NHP2: variants seen among roughly 807,000 people sequenced by gnomAD.
NHP2 encodes the protein H/ACA ribonucleoprotein complex subunit 2.
Under a neutral mutation model 16.7 loss-of-function variants are expected in NHP2, and 10 were observed. That is an observed-to-expected ratio of 0.60 (90% CI 0.37 to 1.01). The LOEUF is 1.01. Ranked by LOEUF, NHP2 falls within the 50% of genes least tolerant of loss-of-function variation. NHP2 has a pLI of 0.01. For synonymous variants in NHP2, 87 were observed against 78.9 expected (o/e 1.10, Z -0.54); for missense variants, 184 against 198.3 (o/e 0.93, Z 0.43).
chr5:178,151,794 A>G (rs926847156), intron 2 of NHP2, among the ~76,000 whole-genome samples: 2 of 152,032 alleles, frequency 1.3e-5, no homozygotes, highest in East Asian at 3.9e-4. Context: ...CAGATGTACT[A>G]TCTCCAGCCT....
At position 178,149,481 on chromosome 5, in the gene NHP2, C is replaced by T. The variant is rs1756202476; in HGVS notation, c.*232G>A. On this transcript the variant is annotated 3_prime_UTR_variant, in exon 4 of 4. Transcript: ENST00000274606. ...CACCACATTTTAGTCTTAGCATTTA[C>T]TTTCCCCACCCCACATTCTTGGAAC... 5.7e-6 allele frequency: 3 copies of T among 523,720 alleles called. No homozygotes were observed. The highest frequency in any genetic ancestry group is 3.7e-5 in the East Asian group (1 of 27,296). The allele number at this position is 523,720 out of a possible 1,614,324, so 32.4% of individuals were successfully genotyped here.
chr5:178,150,658 C>T, intron 3 of NHP2: 2 of 679,096 alleles, frequency 2.9e-6, no homozygotes, highest in South Asian at 1.5e-5. Context: ...ACTAGGATTA[C>T]AGGTGTGAGC....
chr5:178,150,379 C>G, intron 3 of NHP2: 1 of 259,790 alleles, frequency 3.8e-6, no homozygotes, highest in Non-Finnish European at 7.4e-6. Context: ...CCACCCCCAG[C>G]CTCTATTTTT....
intron 3 of NHP2, chr5:178,150,110 C>T: frequency 2.8e-6 from 1 of 357,632 alleles, no homozygotes. Context: ...GCCACCCCCA[C>T]TTCCTGTGCC....
Position 178,153,843 on chromosome 5 carries a change from C to CA in NHP2, c.-27dup, listed in dbSNP as rs745536946. 1 of 1,595,316 alleles carries CA rather than the reference C, an allele frequency of 6.3e-7. No individual in the cohort carries two copies. Among genetic ancestry groups the CA allele is most frequent in the South Asian group, 1.1e-5 (1 of 89,002 alleles). ...CGCAGCGGCCGCTGAAACCTAGTCC[C>CA]AGGGAGGCGAGCCCACGCGGTCCAC... On this transcript the variant is annotated 5_prime_UTR_variant, in exon 1 of 4. An upstream open reading frame in the 5' UTR loses its in-frame stop. Coordinates refer to ENST00000274606, the MANE Select transcript of NHP2 (RefSeq NM_017838.4).
intron 2 of NHP2, among the ~76,000 whole-genome samples, chr5:178,151,585 G>C (rs1010086226): frequency 3.3e-5 from 5 of 152,212 alleles, no homozygotes; most frequent in African/African-American, 1.2e-4. Flanking sequence ...CACAAGGACA[G>C]AGCCCTCGGC....
rs768262654 is a variant in NHP2 at position 178,150,889 on chromosome 5, G to A, written c.335C>T (p.Thr112Met). 29 of 1,608,050 alleles carry A rather than the reference G, an allele frequency of 1.8e-5. No homozygotes were observed. Among genetic ancestry groups the A allele is most frequent in the African/African-American group, 8.0e-5 (6 of 74,782 alleles). The change falls in exon 3 of 4, where the codon ACG (threonine) becomes ATG (methionine). Residue 112 changes from threonine to methionine, a missense_variant and splice_region_variant. By Grantham distance (81) the Thr-to-Met change is moderately conservative. Coordinates refer to ENST00000274606, the MANE Select transcript of NHP2 (RefSeq NM_017838.4). The part of the protein sequence containing the change: ...NLPYVYIPSK[T>M]DLGAAAGSKR... ...GTCAGGGGGCCACGTGCTCCTTACCGTCTTAGAGGGGATATAGACATAGGG... is the reference window on the plus strand; with the variant it reads ...GTCAGGGGGCCACGTGCTCCTTACCATCTTAGAGGGGATATAGACATAGGG...
chr5:178,151,747 C>T (rs1219707951), intron 2 of NHP2, among the ~76,000 whole-genome samples: 2 of 152,122 alleles, frequency 1.3e-5, no homozygotes, highest in Admixed American at 1.3e-4. Flanking sequence ...GGAGCCACTG[C>T]CATGGGGTCA....
intron 3 of NHP2, chr5:178,150,589 C>A (rs111512029): frequency 7.8e-6 from 4 of 511,478 alleles, no homozygotes; most frequent in South Asian, 1.7e-5. Flanking sequence ...CACTTTGTTG[C>A]GCAGGTTATT....
rs540714328 is a variant in NHP2 at position 178,150,818 on chromosome 5, T to A, written c.336+70A>T. On this transcript the variant is annotated intron_variant, in intron 3 of 3. Coordinates refer to ENST00000274606, the MANE Select transcript of NHP2 (RefSeq NM_017838.4). Reference sequence around the variant, plus strand: ...CAACACTCCTGGCTCTTTCCCACACTCTCCTGCTATGGCAGACTATCCCAG... The same window carrying A: ...CAACACTCCTGGCTCTTTCCCACACACTCCTGCTATGGCAGACTATCCCAG... 6.0e-5 allele frequency: 60 copies of A among 1,002,562 alleles called. No individual in the cohort carries two copies. The South Asian group carries it at 7.1e-4, about 12-fold the overall frequency. The allele number at this position is 1,002,562 out of a possible 1,614,324, so 62.1% of individuals were successfully genotyped here. A position where few individuals can be genotyped will look rare whatever the true frequency, so the allele number is the denominator to read the frequency against.
chr5:178,153,034 G>A (rs1040023486), intron 2 of NHP2, among the ~76,000 whole-genome samples: 1 of 152,244 alleles, frequency 6.6e-6, no homozygotes, highest in African/African-American at 2.4e-5. Flanking sequence ...GCTGCAGCGA[G>A]CTGTGATCGC....
At chr5:178,153,437 G>A in intron 2 of NHP2, 54 bp downstream of exon 2, 2 of 1,578,102 alleles carry the variant, frequency 1.3e-6, no homozygotes, top group African/African-American at 1.3e-5. Flanking sequence ...ACTAAGTAGA[G>A]ATTTCTCCGT....
rs766032992 is a variant in NHP2, at chr5:178,153,562, T to A, written c.161-2A>T. On this transcript the variant is annotated splice_acceptor_variant, in intron 1 of 3. Transcript: ENST00000274606. LOFTEE classifies it high-confidence loss of function. Reference sequence around the variant, plus strand: ...GCCGAATCTGCTTCTGCTTCACCGCTGCAACGACAGAAGAGTCGGTCGGGG... The same window carrying A: ...GCCGAATCTGCTTCTGCTTCACCGCAGCAACGACAGAAGAGTCGGTCGGGG... 9 of 1,614,214 alleles carry A rather than the reference T, an allele frequency of 5.6e-6. No individual in the cohort carries two copies. The highest frequency in any genetic ancestry group is 6.8e-6 in the Non-Finnish European group (8 of 1,180,024).
intron 3 of NHP2, chr5:178,150,470 T>C: frequency 5.6e-6 from 2 of 356,258 alleles, no homozygotes; most frequent in Non-Finnish European, 1.1e-5. Flanking sequence ...AGCCTTGAAC[T>C]CCTGGGTTCA....
intron 2 of NHP2, among the ~76,000 whole-genome samples, chr5:178,151,362 C>T (rs1231244591): frequency 1.3e-5 from 2 of 152,114 alleles, no homozygotes; most frequent in East Asian, 1.9e-4. Context: ...CAGACACAGC[C>T]GAGAGACTGG....
At chr5:178,151,123 C>A in intron 2 of NHP2, 130 bp from the exon 3 acceptor site, 1 of 792,544 alleles carries the variant, frequency 1.3e-6, no homozygotes, top group Admixed American at 1.9e-5. Context: ...TGGGGGTGAT[C>A]TCTACCTCTT....
At chr5:178,152,851 C>T (rs781186892) in intron 2 of NHP2, among the ~76,000 whole-genome samples, 4 of 152,222 alleles carry the variant, frequency 2.6e-5, no homozygotes, top group Admixed American at 2.0e-4. Flanking sequence ...CTTCGGGAGG[C>T]TGAGGCAGGA....
chr5:178,150,896 AG>A lies in NHP2; in HGVS notation c.327del (p.Ser110LeufsTer17). On this transcript the variant is annotated frameshift_variant, in exon 3 of 4. Transcript: ENST00000274606. LOFTEE classifies it high-confidence loss of function. ...GGCCACGTGCTCCTTACCGTCTTAGAGGGGATATAGACATAGGGCAAATTTC... is the reference window on the plus strand; with the variant it reads ...GGCCACGTGCTCCTTACCGTCTTAGAGGGATATAGACATAGGGCAAATTTC... ...EDRNLPYVYI[P>X]SKTDLGAAAG... 4 of 1,610,796 alleles carry A rather than the reference AG, an allele frequency of 2.5e-6. No individual in the cohort carries two copies. The highest frequency in any genetic ancestry group is 2.5e-6 in the Non-Finnish European group (3 of 1,176,978).
At position 178,153,558 on chromosome 5, in the gene NHP2, C is replaced by T. The variant is rs1756327381; in HGVS notation, c.163G>A (p.Val55Met). Residue 55 changes from valine (V) to methionine (M), a missense_variant and splice_region_variant, in exon 2 of 4, where the codon GTG becomes ATG. Coordinates refer to ENST00000274606, the MANE Select transcript of NHP2 (RefSeq NM_017838.4). ...RKLYKCIKKA[V>M]KQKQIRRGVK... The stretch of plus-strand genomic sequence containing the variant: ...CCGCGCCGAATCTGCTTCTGCTTCA[C>T]CGCTGCAACGACAGAAGAGTCGGTC... The T allele has an allele frequency of 1.9e-6, 3 of 1,614,212 alleles. No homozygotes were observed. The highest frequency in any genetic ancestry group is 2.5e-6 in the Non-Finnish European group (3 of 1,180,028).
Sources: gnomAD v4.1 joint callset for allele counts (sites outside exome capture counted in the v4.1 genomes callset) on GRCh38, gnomAD v4.1.1 for gene constraint, MANE v1.5 for transcripts, NCBI Gene and HGNC (gene_info 2026-07-23, HGNC 2026-07-21) for gene names.